The following HS6ST2 variants were observed in gnomAD, a reference collection of about 807,000 sequenced individuals.
The protein encoded by HS6ST2 is heparan-sulfate 6-O-sulfotransferase 2.
A neutral mutation model predicts 33.0 loss-of-function variants in HS6ST2; 17 were observed. The observed-to-expected ratio is 0.52, with a 90% CI of 0.35 to 0.77. HS6ST2 has a LOEUF of 0.77. Among genes scored for constraint, HS6ST2 ranks in the 30% least tolerant of loss-of-function variants. The pLI is 0.01. For missense variants in HS6ST2, 519 were observed against 551.7 expected, an observed-to-expected ratio of 0.94 and a Z score of 0.59; for synonymous variants, 248 against 237.1, an observed-to-expected ratio of 1.05 and a Z score of -0.42.
chrX:132,836,774 CAAAT>C (rs2065647962), intron 2 of HS6ST2, among the ~76,000 whole-genome samples: 1 of 112,270 alleles, frequency 8.9e-6, no homozygotes, highest in African/African-American at 3.2e-5. Flanking sequence ...TCCAGATGAA[CAAAT>C]AAATAAAGGC....
At chrX:132,934,870 A>G (rs929149554) in intron 2 of HS6ST2, among the ~76,000 whole-genome samples, 20 of 111,723 alleles carry the variant, frequency 1.8e-4, no homozygotes, top group Non-Finnish European at 3.6e-4. Context: ...GCTGTCTACA[A>G]GAAACACACA....
intron 2 of HS6ST2, among the ~76,000 whole-genome samples, chrX:132,858,340 C>T (rs1178439450): frequency 8.9e-6 from 1 of 112,076 alleles, no homozygotes; most frequent in Non-Finnish European, 1.9e-5. Flanking sequence ...AAACAAGAGG[C>T]ACTAAATGCC....
intron 2 of HS6ST2, among the ~76,000 whole-genome samples, chrX:132,876,984 T>C (rs1272628367): frequency 8.9e-6 from 1 of 112,437 alleles, no homozygotes; most frequent in Non-Finnish European, 1.9e-5. Context: ...GTCCTTTTTA[T>C]TGGCTGCCAT....
chrX:132,786,147 C>T (rs2065058707), intron 2 of HS6ST2, among the ~76,000 whole-genome samples: 1 of 111,858 alleles, frequency 8.9e-6, no homozygotes, highest in Non-Finnish European at 1.9e-5. Flanking sequence ...GTGGCTGCCA[C>T]GTGTGCATTA....
intron 4 of HS6ST2, among the ~76,000 whole-genome samples, chrX:132,661,812 G>A (rs917382207): frequency 2.7e-5 from 3 of 111,407 alleles, no homozygotes; most frequent in Non-Finnish European, 5.7e-5. Flanking sequence ...AGGAGGCCAA[G>A]GCAGGAGGAT....
In HS6ST2 at chrX:132,958,157, C is replaced by G; in HGVS notation, c.428+18G>C. 9.0e-7 allele frequency: 1 copy of G among 1,112,198 alleles called. No homozygotes were observed. 91.7% of individuals were successfully genotyped at this position (1,112,198 alleles called of 1,213,427 possible). On this transcript the variant is annotated intron_variant, in intron 1 of 4. Coordinates refer to ENST00000370833, the MANE Select transcript of HS6ST2 (RefSeq NM_001394073.1). ...CCCTGGCCTGGGAGCGCGAACCCCG[C>G]TTTCACCTAGAACGTACCTGGCCAT...
intron 2 of HS6ST2, among the ~76,000 whole-genome samples, chrX:132,891,195 C>T (rs868691484): frequency 5.3e-5 from 5 of 94,138 alleles, no homozygotes; most frequent in Non-Finnish European, 1.1e-4. Context: ...GTGTGAATCT[C>T]CCGAAGCACA....
intron 2 of HS6ST2, among the ~76,000 whole-genome samples, chrX:132,895,421 TCTC>T (rs1177453570): frequency 1.1e-4 from 12 of 111,387 alleles, no homozygotes; most frequent in African/African-American, 3.9e-4. Context: ...CATGTATACT[TCTC>T]TTCTATAAGG....
At chrX:132,868,779 C>T (rs2066021812) in intron 2 of HS6ST2, among the ~76,000 whole-genome samples, 1 of 111,687 alleles carries the variant, frequency 9.0e-6, no homozygotes, top group Admixed American at 9.5e-5. Context: ...ACAGCTAAAG[C>T]AGTGTTTAGA....
At chrX:132,772,675 G>T (rs1602660009) in intron 2 of HS6ST2, among the ~76,000 whole-genome samples, 1 of 94,062 alleles carries the variant, frequency 1.1e-5, no homozygotes. Flanking sequence ...TAATTATATT[G>T]TATACAATAT....
At chrX:132,814,087 G>A (rs932205474) in intron 2 of HS6ST2, among the ~76,000 whole-genome samples, 5 of 111,057 alleles carry the variant, frequency 4.5e-5, no homozygotes, top group Non-Finnish European at 9.4e-5. Flanking sequence ...GGGATTACAG[G>A]CACCCACCAC....
intron 2 of HS6ST2, among the ~76,000 whole-genome samples, chrX:132,734,784 C>A (rs1266482171): frequency 1.8e-5 from 2 of 112,818 alleles, no homozygotes; most frequent in African/African-American, 6.4e-5. Context: ...ACCAAAGCAC[C>A]ATCTTTAGGA....
At chrX:132,730,015 G>A (rs188838018) in intron 2 of HS6ST2, among the ~76,000 whole-genome samples, 140 of 109,298 alleles carry the variant, frequency 1.3e-3, no homozygotes, top group African/African-American at 4.6e-3. Context: ...CAGCCCTCAG[G>A]GTGCCTCCTC....
At chrX:132,714,831 G>C in intron 2 of HS6ST2, among the ~76,000 whole-genome samples, 2 of 111,573 alleles carry the variant, frequency 1.8e-5, no homozygotes, top group East Asian at 5.7e-4. Context: ...TGGCTCCTCA[G>C]GGAAGGACAC....
chrX:132,789,270 C>A (rs2065094832), intron 2 of HS6ST2, among the ~76,000 whole-genome samples: 1 of 111,137 alleles, frequency 9.0e-6, no homozygotes, highest in Non-Finnish European at 1.9e-5. Flanking sequence ...ACTCCTAGGG[C>A]CATTAAGAAT....
chrX:132,673,743 T>C (rs2063902646), intron 3 of HS6ST2, among the ~76,000 whole-genome samples: 1 of 110,909 alleles, frequency 9.0e-6, no homozygotes, highest in Non-Finnish European at 1.9e-5. Flanking sequence ...GCTCATCTAG[T>C]CGGCCTCCCC....
intron 2 of HS6ST2, among the ~76,000 whole-genome samples, chrX:132,887,867 C>T (rs986226530): frequency 3.0e-4 from 34 of 111,969 alleles, no homozygotes; most frequent in Non-Finnish European, 4.1e-4. Flanking sequence ...CACAAACCCC[C>T]AAAATATTAT....
At chrX:132,709,392 G>A (rs965795760) in intron 2 of HS6ST2, among the ~76,000 whole-genome samples, 2 of 112,014 alleles carry the variant, frequency 1.8e-5, no homozygotes, top group African/African-American at 6.5e-5. Flanking sequence ...ACGCTTTGCA[G>A]GCCTTAGAAG....
intron 2 of HS6ST2, among the ~76,000 whole-genome samples, chrX:132,729,106 C>G (rs1049179302): frequency 8.9e-6 from 1 of 112,151 alleles, no homozygotes; most frequent in Non-Finnish European, 1.9e-5. Flanking sequence ...AGGCACAATG[C>G]CAAAGGACCC....
Sources: allele counts gnomAD v4.1 joint callset (sites outside exome capture counted in the v4.1 genomes callset), GRCh38; gene constraint gnomAD v4.1.1; transcripts MANE v1.5; gene names NCBI Gene and HGNC (gene_info 2026-07-23, HGNC 2026-07-21).